Variants in ECE1 observed in about 807,000 individuals in gnomAD.
The protein encoded by ECE1 is endothelin-converting enzyme 1.
ECE1 carries 35 observed loss-of-function variants against 98.6 expected under a neutral mutation model. The ratio of observed to expected loss-of-function variants is 0.35; its 90% CI spans 0.27 to 0.47. The LOEUF (loss-of-function observed/expected upper bound fraction) is 0.47. Ranked by LOEUF, ECE1 falls within the 20% of genes least tolerant of loss-of-function variation. The pLI is 1.00. For missense variants in ECE1, 814 were observed against 1,025.3 expected, an observed-to-expected ratio of 0.79 and a Z score of 2.81; for synonymous variants, 394 against 407.1, an observed-to-expected ratio of 0.97 and a Z score of 0.39.
At chr1:21,273,787 G>A (rs534544714) in intron 3 of ECE1, among the ~76,000 whole-genome samples, 2 of 152,270 alleles carry the variant, frequency 1.3e-5, no homozygotes, top group Non-Finnish European at 2.9e-5. Flanking sequence ...CCCGGGAGAT[G>A]GAGGTTACAG....
chr1:21,345,470 G>A lies in ECE1; in HGVS notation c.-92C>T. The stretch of plus-strand genomic sequence containing the variant: ...TTCCCTGCTCCCAGCCCAGCTGCTC[G>A]GACGGCTCGGCTGCCTGGCCCAGGC... On this transcript the variant is annotated 5_prime_UTR_variant, in exon 1 of 19. Transcript: ENST00000415912. The surrounding 1 kb of genome is among the most constrained non-coding windows in gnomAD (Gnocchi z 5.1). 2 of 1,167,520 alleles carry A rather than the reference G, an allele frequency of 1.7e-6. No individual in the cohort carries two copies. The highest frequency in any genetic ancestry group is 1.1e-6 in the Non-Finnish European group (1 of 921,838). 72.3% of individuals were successfully genotyped at this position (1,167,520 alleles called of 1,614,324 possible). A position where few individuals can be genotyped will look rare whatever the true frequency, so the allele number is the denominator to read the frequency against.
intron 6 of ECE1, 89 bp from the exon 7 acceptor site, chr1:21,257,679 T>C (rs1327922719): frequency 7.1e-7 from 1 of 1,413,454 alleles, no homozygotes; most frequent in Non-Finnish European, 1.0e-6. Context: ...GGCTGGCACA[T>C]GGCAGCAGAG....
rs939907923 is a variant in ECE1, at chr1:21,243,045, C to T, written c.1278+1944G>A. Among the ~76,000 whole-genome samples the T allele has an allele frequency of 2.6e-5, 4 of 152,336 alleles. No individual in the cohort carries two copies. In the East Asian group the frequency reaches 7.7e-4, roughly 29 times the overall value. ...TCAGCCCTTGGCAACCACAGGGAAG[C>T]TTGACCTTAACTTTTGGTTCCTGCA... On this transcript the variant is annotated intron_variant, in intron 10 of 18. Transcript: ENST00000374893.
chr1:21,305,231 G>A (rs1638570857), intron 1 of ECE1, among the ~76,000 whole-genome samples: 1 of 152,168 alleles, frequency 6.6e-6, no homozygotes, highest in African/African-American at 2.4e-5. Flanking sequence ...GGACAACACT[G>A]GTGTACACAC....
Position 21,260,497 on chromosome 1 carries a change from A to G in ECE1, c.494-105T>C. Reference sequence around the variant, plus strand: ...GCCTTGGTGTTCTCAGCTGCAAAGGAGCTCTGACATCTGCCTGTCGGAGTG... The same window carrying G: ...GCCTTGGTGTTCTCAGCTGCAAAGGGGCTCTGACATCTGCCTGTCGGAGTG... On this transcript the variant is annotated intron_variant, in intron 4 of 18. Coordinates refer to ENST00000374893, the MANE Select transcript of ECE1 (RefSeq NM_001397.3). The surrounding 1 kb of genome is among the most constrained non-coding windows in gnomAD (Gnocchi z 4.3). 1 of 1,399,200 alleles carries G rather than the reference A, an allele frequency of 7.1e-7. No individual in the cohort carries two copies. The highest frequency in any genetic ancestry group is 1.2e-5 in the South Asian group (1 of 86,574). 86.7% of individuals were successfully genotyped at this position (1,399,200 alleles called of 1,614,324 possible).
chr1:21,251,626 C>A (rs926492350), intron 8 of ECE1, among the ~76,000 whole-genome samples: 1 of 152,192 alleles, frequency 6.6e-6, no homozygotes, highest in Non-Finnish European at 1.5e-5. Context: ...ATGTGCGCAG[C>A]GGACTTGGGG....
chr1:21,314,284 G>A (rs2003693), intron 1 of ECE1, among the ~76,000 whole-genome samples: 3,551 of 152,238 alleles, frequency 0.023, 120 homozygotes, highest in African/African-American at 0.079. Context: ...AGGGGGCGCT[G>A]GCTAGGCCCT....
rs546793056 is a variant in ECE1, at chr1:21,319,535, T to C, written c.3+25841A>G. Among the ~76,000 whole-genome samples the C allele has an allele frequency of 2.1e-3, 321 of 152,084 alleles. No homozygotes were observed. The highest frequency in any genetic ancestry group is 7.3e-3 in the African/African-American group (301 of 41,480). On this transcript the variant is annotated intron_variant, in intron 1 of 18. Transcript: ENST00000415912. The surrounding 1 kb of genome is among the most constrained non-coding windows in gnomAD (Gnocchi z 4.4). ...CCCCGGCACCAAGGGCCAGACTCCCTCTGCTGCCCCCAATCTGCTTCTCAG... is the reference window on the plus strand; with the variant it reads ...CCCCGGCACCAAGGGCCAGACTCCCCCTGCTGCCCCCAATCTGCTTCTCAG...
intron 2 of ECE1, among the ~76,000 whole-genome samples, chr1:21,285,990 CAA>C (rs3061092): frequency 1.9e-4 from 13 of 68,888 alleles, no homozygotes; most frequent in South Asian, 5.0e-4. Flanking sequence ...GACTCTGTCT[CAA>C]AAAAAAAAAA....
At chr1:21,262,991 G>A (rs2103300900) in intron 4 of ECE1, among the ~76,000 whole-genome samples, 1 of 152,330 alleles carries the variant, frequency 6.6e-6, no homozygotes, top group South Asian at 2.1e-4. Context: ...CCAAGGACTC[G>A]CGGGAGCATC....
chr1:21,260,859 T>G lies in ECE1; in HGVS notation c.494-467A>C, dbSNP rs1472456677. Among the ~76,000 whole-genome samples, 1 of 152,174 alleles carries G rather than the reference T, an allele frequency of 6.6e-6. No homozygotes were observed. Among genetic ancestry groups the G allele is most frequent in the African/African-American group, 2.4e-5 (1 of 41,424 alleles). The stretch of plus-strand genomic sequence containing the variant: ...AAGGCTCATTCATTATGAATTTACT[T>G]TTTGCTTCCTCCTTGGAGGGGCTAG... On this transcript the variant is annotated intron_variant, in intron 4 of 18. Transcript: ENST00000374893. This position sits in a 1 kb window ranked among gnomAD's most constrained non-coding sequence, Gnocchi z 4.3.
chr1:21,278,747 T>C (rs1180846063), intron 3 of ECE1, among the ~76,000 whole-genome samples: 3 of 152,184 alleles, frequency 2.0e-5, no homozygotes, highest in Non-Finnish European at 4.4e-5. Flanking sequence ...GAACTAGAGA[T>C]AGCAGACAAT....
intron 1 of ECE1, among the ~76,000 whole-genome samples, chr1:21,311,207 C>G (rs1638715234): frequency 2.6e-5 from 4 of 152,216 alleles, no homozygotes; most frequent in Admixed American, 2.6e-4. Context: ...CTGGGTCTGG[C>G]TGGCTGCCCA....
Position 21,343,717 on chromosome 1 carries a change from A to T in ECE1, c.3+1659T>A, listed in dbSNP as rs577793530. Among the ~76,000 whole-genome samples, 10 of 152,346 alleles carry T rather than the reference A, an allele frequency of 6.6e-5. No homozygotes were observed. In the East Asian group the frequency reaches 1.9e-3, roughly 29 times the overall value. On this transcript the variant is annotated intron_variant, in intron 1 of 18. Transcript: ENST00000415912. ...TGGGGTTCAAACACAAATTGGTGTG[A>T]CGTCAAAGCCTGGACTCTTCACAAT...
rs2098176237 is a variant in ECE1, at chr1:21,227,799, T to G, written c.1781+132A>C. ...AAGTGGGTGAGGATGTTGCTTCCTCTGCAACATCTCTGACATCTGCAACCT... is the reference window on the plus strand; with the variant it reads ...AAGTGGGTGAGGATGTTGCTTCCTCGGCAACATCTCTGACATCTGCAACCT... On this transcript the variant is annotated intron_variant, in intron 15 of 18. Transcript: ENST00000374893. 23 of 700,786 alleles carry G rather than the reference T, an allele frequency of 3.3e-5. No individual in the cohort carries two copies. In the East Asian group the frequency reaches 6.4e-4, roughly 19 times the overall value. The allele number at this position is 700,786 out of a possible 1,614,324, so 43.4% of individuals were successfully genotyped here. A position where few individuals can be genotyped will look rare whatever the true frequency, so the allele number is the denominator to read the frequency against.
At chr1:21,309,906 C>T (rs1339246263) in intron 1 of ECE1, among the ~76,000 whole-genome samples, 1 of 152,048 alleles carries the variant, frequency 6.6e-6, no homozygotes, top group African/African-American at 2.4e-5. Context: ...ATTCTCCTGC[C>T]TCAGCCTCCC....
intron 1 of ECE1, among the ~76,000 whole-genome samples, chr1:21,311,530 A>AAAAAAAAAAAC: frequency 6.7e-6 from 1 of 149,790 alleles, no homozygotes; most frequent in Non-Finnish European, 1.5e-5. Flanking sequence ...AAAAAAAAAA[A>AAAAAAAAAAAC]TTAGCCTGGT....
At position 21,225,541 on chromosome 1, in the gene ECE1, C is replaced by G. The variant is rs756194146; in HGVS notation, c.1850-101G>C. 4.9e-4 allele frequency: 678 copies of G among 1,389,660 alleles called. 1 individual carries two copies. The highest frequency in any genetic ancestry group is 6.4e-4 in the Non-Finnish European group (655 of 1,016,158). 86.1% of individuals were successfully genotyped at this position (1,389,660 alleles called of 1,614,324 possible). A position where few individuals can be genotyped will look rare whatever the true frequency, so the allele number is the denominator to read the frequency against. ...GTGAGAAGCGGTTCATCCGTCCACC[C>G]CCGTCCTCCAGCCACCATGGGGAGA... On this transcript the variant is annotated intron_variant, in intron 16 of 18. Coordinates refer to ENST00000374893, the MANE Select transcript of ECE1 (RefSeq NM_001397.3). This position sits in a 1 kb window ranked among gnomAD's most constrained non-coding sequence, Gnocchi z 5.3.
intron 1 of ECE1, among the ~76,000 whole-genome samples, chr1:21,305,815 GA>G (rs1188019641): frequency 6.6e-6 from 1 of 152,196 alleles, no homozygotes; most frequent in African/African-American, 2.4e-5. Flanking sequence ...ATCTGAGCTG[GA>G]AAACAGCATC....
Sources: gnomAD v4.1 joint callset for allele counts (sites outside exome capture counted in the v4.1 genomes callset) on GRCh38, gnomAD v4.1.1 for gene constraint, Gnocchi (gnomAD v3.1) non-coding constraint, MANE v1.5 for transcripts, NCBI Gene and HGNC (gene_info 2026-07-23, HGNC 2026-07-21) for gene names.